The following DNAJA1 variants were observed in gnomAD, a reference collection of about 807,000 sequenced individuals.
DNAJA1 encodes dnaJ homolog subfamily A member 1.
In DNAJA1, 26 loss-of-function variants were observed where a neutral mutation model predicts 47.6. The observed-to-expected ratio is 0.55, with a 90% CI of 0.40 to 0.76. DNAJA1 has a LOEUF of 0.76. Ranked by LOEUF, DNAJA1 falls within the 30% of genes least tolerant of loss-of-function variation. The probability of loss-of-function intolerance (pLI) is 0.00; values close to 1 mark genes in which losing one functional copy is unlikely to be tolerated. For synonymous variants in DNAJA1, 165 were observed against 158.4 expected, an observed-to-expected ratio of 1.04 and a Z score of -0.31; for missense variants, 315 against 485.0, an observed-to-expected ratio of 0.65 and a Z score of 3.29.
rs1197371387 is a variant in DNAJA1 at position 33,039,564 on chromosome 9, C to G, written c.*661C>G. On this transcript the variant is annotated 3_prime_UTR_variant, in exon 9 of 9. Transcript: ENST00000330899. ...ATATATATACATATATATATATAAT[C>G]TTGACCAGTCCTGGTCATTTGCTCC... 9.3e-6 allele frequency: 1 copy of G among 107,358 alleles called. No homozygotes were observed. The highest frequency in any genetic ancestry group is 3.3e-5 in the African/African-American group (1 of 30,028). 6.7% of individuals were successfully genotyped at this position (107,358 alleles called of 1,614,324 possible).
At chr9:33,033,838 T>C (rs1381106114) in intron 5 of DNAJA1, among the ~76,000 whole-genome samples, 1 of 152,264 alleles carries the variant, frequency 6.6e-6, no homozygotes, top group Non-Finnish European at 1.5e-5. Context: ...TAACATTTTT[T>C]GGTTATAACC....
intron 6 of DNAJA1, among the ~76,000 whole-genome samples, chr9:33,035,882 ATAT>A (rs770615727): frequency 2.6e-5 from 4 of 152,200 alleles, no homozygotes; most frequent in Non-Finnish European, 4.4e-5. Context: ...ATGCCAGGAA[ATAT>A]TATTTCAGGT....
At chr9:33,038,140 G>A (rs905275994) in intron 8 of DNAJA1, among the ~76,000 whole-genome samples, 3 of 151,964 alleles carry the variant, frequency 2.0e-5, no homozygotes, top group Admixed American at 1.3e-4. Context: ...GAGTAGCTGG[G>A]AATACAGGTG....
intron 7 of DNAJA1, 84 bp downstream of exon 7, chr9:33,036,773 C>T: frequency 1.0e-6 from 1 of 980,776 alleles, no homozygotes; most frequent in Non-Finnish European, 1.5e-6. Flanking sequence ...AGTATAGGCA[C>T]TGAGGGAAAC....
Position 33,039,505 on chromosome 9 carries a change from C to G in DNAJA1, c.*602C>G, listed in dbSNP as rs1309519491. The G allele has an allele frequency of 7.3e-6, 1 of 136,610 alleles. No individual in the cohort carries two copies. The highest frequency in any genetic ancestry group is 2.6e-5 in the African/African-American group (1 of 38,580). The allele number at this position is 136,610 out of a possible 1,614,324, so 8.5% of individuals were successfully genotyped here. A position where few individuals can be genotyped will look rare whatever the true frequency, so the allele number is the denominator to read the frequency against. On this transcript the variant is annotated 3_prime_UTR_variant, in exon 9 of 9. Coordinates refer to ENST00000330899, the MANE Select transcript of DNAJA1 (RefSeq NM_001539.4). ...TGCTGCTTCTTGAAGGCTTGCACTT[C>G]CAGAATTGTGTTTCCTTCTGCTGTG...
At chr9:33,035,037 CTTTTTTT>C (rs11371852) in intron 6 of DNAJA1, among the ~76,000 whole-genome samples, 3 of 113,878 alleles carry the variant, frequency 2.6e-5, no homozygotes, top group African/African-American at 6.8e-5. Flanking sequence ...AAGAACCCAC[CTTTTTTT>C]TTTTTTTTTT....
chr9:33,025,763 G>T (rs530268641), intron 1 of DNAJA1, among the ~76,000 whole-genome samples: 16 of 152,260 alleles, frequency 1.1e-4, no homozygotes, highest in South Asian at 4.2e-4. Flanking sequence ...GAGGGGCTGC[G>T]GGGGGAGCCG....
chr9:33,038,066 G>A (rs1839063038), intron 8 of DNAJA1, among the ~76,000 whole-genome samples: 1 of 150,932 alleles, frequency 6.6e-6, no homozygotes, highest in Non-Finnish European at 1.5e-5. Flanking sequence ...GTGCAGTGGT[G>A]CGATCCTGGA....
intron 5 of DNAJA1, among the ~76,000 whole-genome samples, chr9:33,033,504 C>T (rs1452133037): frequency 6.6e-6 from 1 of 151,816 alleles, no homozygotes; most frequent in East Asian, 1.9e-4. Flanking sequence ...TCAAGACCAG[C>T]CTGAGCGACA....
At chr9:33,036,760 T>TGTA (rs1839041811) in intron 7 of DNAJA1, 71 bp downstream of exon 7, 1 of 1,159,798 alleles carries the variant, frequency 8.6e-7, no homozygotes, top group Non-Finnish European at 1.3e-6. Flanking sequence ...GTTAACAAAG[T>TGTA]GTAGTATAGG....
Position 33,026,935 on chromosome 9 carries a change from G to A in DNAJA1, c.255G>A (p.Met85Ile), listed in dbSNP as rs1838879484. ...GGAGGGFGSP[M>I]DIFDMFFGGG... ...CAGGTGGCGGTTTTGGCTCCCCCAT[G>A]GACATCTTTGATATGTTTTTTGGAG... is the stretch of plus-strand genomic sequence containing the variant. The change falls in exon 3 of 9, where the codon ATG becomes ATA. Residue 85 changes from methionine to isoleucine, a missense_variant. Met to Ile is a conservative substitution (Grantham distance 10). This residue lies in a region of DNAJA1 where 100 missense variants were observed against 163.0 expected (regional missense o/e 0.61). Coordinates refer to ENST00000330899, the MANE Select transcript of DNAJA1 (RefSeq NM_001539.4). 6.2e-7 allele frequency: 1 copy of A among 1,614,114 alleles called. No individual in the cohort carries two copies. The highest frequency in any genetic ancestry group is 8.5e-7 in the Non-Finnish European group (1 of 1,180,028).
intron 4 of DNAJA1, among the ~76,000 whole-genome samples, 159 bp from the exon 5 acceptor site, chr9:33,030,281 C>G (rs930428080): frequency 6.6e-6 from 1 of 152,152 alleles, no homozygotes; most frequent in Non-Finnish European, 1.5e-5. Flanking sequence ...AAGAATGAAA[C>G]TCATTGGAAT....
chr9:33,026,535 T>A lies in DNAJA1; in HGVS notation c.51T>A (p.Ala17=). Residue 17 remains alanine, a synonymous_variant, in exon 2 of 9, where the codon GCT becomes GCA. Coordinates refer to ENST00000330899, the MANE Select transcript of DNAJA1 (RefSeq NM_001539.4). ...YYDVLGVKPN[A]TQEELKKAYR... Reference sequence around the variant, plus strand: ...ATGTTTTGGGGGTCAAACCCAATGCTACTCAGGAAGAATTGAAAAAGGCTT... The same window carrying A: ...ATGTTTTGGGGGTCAAACCCAATGCAACTCAGGAAGAATTGAAAAAGGCTT... The A allele has an allele frequency of 6.2e-7, 1 of 1,611,810 alleles. No individual in the cohort carries two copies. The highest frequency in any genetic ancestry group is 8.5e-7 in the Non-Finnish European group (1 of 1,179,520).
intron 8 of DNAJA1, 58 bp downstream of exon 8, chr9:33,037,173 A>C: frequency 6.6e-7 from 1 of 1,519,124 alleles, no homozygotes. Flanking sequence ...AAAATCTGAT[A>C]AAAAAGTAAA....
chr9:33,036,586 C>T lies in DNAJA1; in HGVS notation c.771C>T (p.Asp257=), dbSNP rs199550322. 3.7e-5 allele frequency: 59 copies of T among 1,608,808 alleles called. No homozygotes were observed. In the East Asian group the frequency reaches 1.2e-3, roughly 33 times the overall value. ...DHAVFTRRGE[D]LFMCMDIQLV... ...ATATTTTATGCAGACGAGGAGAAGACCTTTTCATGTGTATGGACATACAGC... is the reference window on the plus strand; with the variant it reads ...ATATTTTATGCAGACGAGGAGAAGATCTTTTCATGTGTATGGACATACAGC... Residue 257 remains aspartate, a synonymous_variant, in exon 7 of 9, where the codon GAC becomes GAT. Transcript: ENST00000330899.
intron 6 of DNAJA1, among the ~76,000 whole-genome samples, chr9:33,035,818 A>G (rs1839024898): frequency 6.6e-6 from 1 of 152,300 alleles, no homozygotes; most frequent in Non-Finnish European, 1.5e-5. Flanking sequence ...TAAGCATGAG[A>G]AGGAGGAAGT....
intron 8 of DNAJA1, 75 bp downstream of exon 8, chr9:33,037,190 G>T: frequency 7.4e-7 from 1 of 1,356,632 alleles, no homozygotes; most frequent in South Asian, 1.3e-5. Context: ...TAAAATTTCA[G>T]CCAGGTGCAA....
intron 1 of DNAJA1, 135 bp from the exon 2 acceptor site, chr9:33,026,335 ATTGTT>A: frequency 1.3e-6 from 1 of 783,064 alleles, no homozygotes; most frequent in Non-Finnish European, 1.9e-6. Flanking sequence ...TATCGCAGGA[ATTGTT>A]ACCTTTTTGG....
Position 33,034,280 on chromosome 9 carries a change from A to C in DNAJA1, c.708A>C (p.Pro236=), listed in dbSNP as rs1375943157. ...GEGDQEPGLE[P]GDIIIVLDQK... ...GAGACCAAGAACCAGGACTGGAGCC[A>C]GGCGATATTATCATTGTGTTAGATC... is the stretch of plus-strand genomic sequence containing the variant. Residue 236 remains proline (P), a synonymous_variant, in exon 6 of 9, where the codon CCA becomes CCC. Coordinates refer to ENST00000330899, the MANE Select transcript of DNAJA1 (RefSeq NM_001539.4). 1 of 1,610,354 alleles carries C rather than the reference A, an allele frequency of 6.2e-7. No individual in the cohort carries two copies.
Sources: allele counts gnomAD v4.1 joint callset (sites outside exome capture counted in the v4.1 genomes callset), GRCh38; gene constraint gnomAD v4.1.1; regional missense constraint gnomAD v4.1.1; transcripts MANE v1.5; gene names NCBI Gene and HGNC (gene_info 2026-07-23, HGNC 2026-07-21).